The following XPR1 variants were observed in gnomAD, a reference collection of about 807,000 sequenced individuals.
The protein encoded by XPR1 is solute carrier family 53 member 1.
In XPR1, 28 loss-of-function variants were observed where a neutral mutation model predicts 87.5. That is an observed-to-expected ratio of 0.32 (90% confidence interval 0.24 to 0.44). XPR1 has a LOEUF of 0.44. XPR1 is among the 20% of genes least tolerant of loss of function. The probability of loss-of-function intolerance (pLI) is 1.00; values close to 1 mark genes in which losing one functional copy is unlikely to be tolerated. For missense variants in XPR1, 559 were observed against 862.3 expected (o/e 0.65, Z 4.41); for synonymous variants, 300 against 306.1 (o/e 0.98, Z 0.21).
chr1:180,845,057 C>T (rs1651632130), intron 11 of XPR1, among the ~76,000 whole-genome samples: 1 of 151,978 alleles, frequency 6.6e-6, no homozygotes, highest in African/African-American at 2.4e-5. Flanking sequence ...TCTAAAGTGG[C>T]AAAGGACTTA....
chr1:180,706,932 T>C (rs1657580316), intron 2 of XPR1, among the ~76,000 whole-genome samples: 1 of 152,212 alleles, frequency 6.6e-6, no homozygotes. Context: ...AGAAGCATTC[T>C]TAAATGGAAT....
At chr1:180,723,550 C>T (rs1658241836) in intron 2 of XPR1, among the ~76,000 whole-genome samples, 1 of 152,106 alleles carries the variant, frequency 6.6e-6, no homozygotes, top group Admixed American at 6.5e-5. Flanking sequence ...TTTTTGAGAG[C>T]CCCTGCCTCT....
Position 180,678,918 on chromosome 1 carries a change from C to T in XPR1, c.70-3442C>T, listed in dbSNP as rs527850484. ...CTTGAATATTTGTGCTGGTTCGGCCCGGCATGGTGGCTCACGCCTGTAATC... is the reference window on the plus strand; with the variant it reads ...CTTGAATATTTGTGCTGGTTCGGCCTGGCATGGTGGCTCACGCCTGTAATC... On this transcript the variant is annotated intron_variant, in intron 1 of 14. Coordinates refer to ENST00000367590, the MANE Select transcript of XPR1 (RefSeq NM_004736.4). Among the ~76,000 whole-genome samples the T allele has an allele frequency of 7.3e-5, 11 of 150,472 alleles. No individual in the cohort carries two copies. The East Asian group carries it at 1.2e-3, about 16-fold the overall frequency.
At chr1:180,807,551 T>C (rs1650045990) in intron 6 of XPR1, among the ~76,000 whole-genome samples, 1 of 152,166 alleles carries the variant, frequency 6.6e-6, no homozygotes, top group African/African-American at 2.4e-5. Context: ...TGAGCAAAAT[T>C]AAAGACTTGG....
At chr1:180,699,318 C>T (rs1354009590) in intron 2 of XPR1, among the ~76,000 whole-genome samples, 11 of 121,300 alleles carry the variant, frequency 9.1e-5, no homozygotes, top group Admixed American at 2.6e-4. Flanking sequence ...CACCCACTAA[C>T]GTGTCATCTA....
At chr1:180,874,959 A>T (rs976088084) in intron 13 of XPR1, among the ~76,000 whole-genome samples, 1 of 152,242 alleles carries the variant, frequency 6.6e-6, no homozygotes, top group African/African-American at 2.4e-5. Flanking sequence ...TCCTTCAGTG[A>T]TAGATAAATA....
At chr1:180,710,979 T>C (rs1482132754) in intron 2 of XPR1, among the ~76,000 whole-genome samples, 10 of 131,186 alleles carry the variant, frequency 7.6e-5, no homozygotes, top group Admixed American at 6.0e-4. Flanking sequence ...CCAGACGGGG[T>C]GGCTGCCGGG....
intron 7 of XPR1, among the ~76,000 whole-genome samples, chr1:180,823,529 A>G (rs1159066563): frequency 2.0e-5 from 3 of 152,206 alleles, no homozygotes; most frequent in Admixed American, 2.0e-4. Flanking sequence ...AAGGATAATA[A>G]AATTCATCAC....
In XPR1 at chr1:180,856,078, G is replaced by A. The variant is rs142087283; in HGVS notation, c.1502-7630G>A. 3.3e-3 allele frequency among the ~76,000 whole-genome samples: 499 copies of A among 152,166 alleles called. 5 individuals are homozygous for A. Among genetic ancestry groups the A allele is most frequent in the Middle Eastern group, 0.01 (3 of 294 alleles). On this transcript the variant is annotated intron_variant, in intron 11 of 14. Coordinates refer to ENST00000367590, the MANE Select transcript of XPR1 (RefSeq NM_004736.4). ...TTCCCTTACCTCATTAAGCCATCTGGTCTAGTCTTTTTTCCTTTTCTCTAT... is the reference window on the plus strand; with the variant it reads ...TTCCCTTACCTCATTAAGCCATCTGATCTAGTCTTTTTTCCTTTTCTCTAT...
At chr1:180,882,172 T>G (rs1296816639) in intron 14 of XPR1, among the ~76,000 whole-genome samples, 2 of 152,198 alleles carry the variant, frequency 1.3e-5, no homozygotes, top group Non-Finnish European at 2.9e-5. Flanking sequence ...GATTATTCTG[T>G]TCCATTTCAG....
chr1:180,684,954 T>G (rs1656714125), intron 2 of XPR1, among the ~76,000 whole-genome samples: 2 of 152,150 alleles, frequency 1.3e-5, no homozygotes, highest in Admixed American at 1.3e-4. Flanking sequence ...GACTTCCTCT[T>G]TTCCTAATTG....
chr1:180,818,228 G>A (rs1482713030), intron 7 of XPR1, among the ~76,000 whole-genome samples: 1 of 151,216 alleles, frequency 6.6e-6, no homozygotes, highest in Non-Finnish European at 1.5e-5. Flanking sequence ...TACATTACTT[G>A]TTAAAATTTT....
chr1:180,688,874 G>C (rs1421888267), intron 2 of XPR1, among the ~76,000 whole-genome samples: 1 of 151,740 alleles, frequency 6.6e-6, no homozygotes, highest in Non-Finnish European at 1.5e-5. Context: ...TTTTTAAACT[G>C]CCTGTCTTCC....
chr1:180,853,309 CAG>C (rs1651926243), intron 11 of XPR1, among the ~76,000 whole-genome samples: 1 of 151,246 alleles, frequency 6.6e-6, no homozygotes, highest in South Asian at 2.1e-4. Flanking sequence ...TTTCAGTTGC[CAG>C]TTCTTTCCTC....
At chr1:180,719,714 C>T (rs968580017) in intron 2 of XPR1, among the ~76,000 whole-genome samples, 11 of 152,098 alleles carry the variant, frequency 7.2e-5, no homozygotes, top group African/African-American at 2.4e-4. Context: ...TTACTTTAAA[C>T]GTTTTATCAC....
At chr1:180,807,791 G>A (rs994103965) in intron 6 of XPR1, among the ~76,000 whole-genome samples, 6 of 152,108 alleles carry the variant, frequency 3.9e-5, no homozygotes, top group Non-Finnish European at 7.4e-5. Context: ...GATCACTTGA[G>A]GCCAGGAGTT....
intron 1 of XPR1, among the ~76,000 whole-genome samples, chr1:180,651,233 G>T (rs1655283988): frequency 1.3e-5 from 2 of 151,708 alleles, no homozygotes; most frequent in South Asian, 4.2e-4. Flanking sequence ...CTGGGATTAC[G>T]GGTGCCCGCT....
At chr1:180,880,417 C>T (rs1170211433) in intron 14 of XPR1, 120 bp downstream of exon 14, 5 of 1,082,602 alleles carry the variant, frequency 4.6e-6, no homozygotes, top group African/African-American at 1.6e-5. Context: ...AGCCATTTTT[C>T]ACCTACAAAA....
At chr1:180,746,098 TG>T (rs575677734) in intron 2 of XPR1, among the ~76,000 whole-genome samples, 91 of 152,322 alleles carry the variant, frequency 6.0e-4, no homozygotes, top group African/African-American at 2.1e-3. Flanking sequence ...TATTTTACTA[TG>T]TTTTTTTATT....
Sources: allele counts gnomAD v4.1 joint callset (sites outside exome capture counted in the v4.1 genomes callset), GRCh38; gene constraint gnomAD v4.1.1; transcripts MANE v1.5; gene names NCBI Gene and HGNC (gene_info 2026-07-23, HGNC 2026-07-21).